Variants in GALNTL6 observed in about 807,000 individuals in gnomAD.
GALNTL6 encodes polypeptide N-acetylgalactosaminyltransferase like 6.
GALNTL6 carries 46 observed loss-of-function variants against 73.7 expected under a neutral mutation model. The ratio of observed to expected loss-of-function variants is 0.62; its 90% CI spans 0.49 to 0.80. The LOEUF is 0.80. Among genes scored for constraint, GALNTL6 ranks in the 30% least tolerant of loss-of-function variants. The pLI is 0.00. For missense variants in GALNTL6, 604 were observed against 755.0 expected, an observed-to-expected ratio of 0.80 and a Z score of 2.34; for synonymous variants, 259 against 263.7, an observed-to-expected ratio of 0.98 and a Z score of 0.17.
chr4:172,391,207 G>A (rs1743654334), intron 5 of GALNTL6, among the ~76,000 whole-genome samples: 2 of 152,184 alleles, frequency 1.3e-5, no homozygotes, highest in Admixed American at 1.3e-4. Context: ...GCTCTCTGGT[G>A]AGGGTCTGGT....
At chr4:172,539,902 TATATAA>T (rs548587080) in intron 5 of GALNTL6, among the ~76,000 whole-genome samples, 1,663 of 126,610 alleles carry the variant, frequency 0.013, 13 homozygotes, top group African/African-American at 0.025. Flanking sequence ...TATATATATA[TATATAA>T]AAAATCTCAT....
At chr4:172,235,146 AG>A (rs1288990475) in intron 3 of GALNTL6, among the ~76,000 whole-genome samples, 11 of 70,426 alleles carry the variant, frequency 1.6e-4, no homozygotes, top group African/African-American at 5.9e-4. Context: ...TACTTTTTTC[AG>A]ATATTGTTAG....
intron 4 of GALNTL6, among the ~76,000 whole-genome samples, chr4:172,313,112 T>TCCCCCCCCC (rs143094304): frequency 2.3e-5 from 3 of 132,028 alleles, no homozygotes; most frequent in Non-Finnish European, 3.2e-5. Context: ...TCTATCCAGT[T>TCCCCCCCCC]CCCCCCCCCA....
At chr4:171,864,177 G>C (rs1735910760) in intron 2 of GALNTL6, among the ~76,000 whole-genome samples, 1 of 152,096 alleles carries the variant, frequency 6.6e-6, no homozygotes, top group South Asian at 2.1e-4. Context: ...TCTCACTCTT[G>C]TAATCCTACT....
intron 2 of GALNTL6, among the ~76,000 whole-genome samples, chr4:171,827,417 A>G (rs912795936): frequency 3.9e-5 from 6 of 152,158 alleles, no homozygotes; most frequent in Non-Finnish European, 7.3e-5. Context: ...TAAAGTTCCA[A>G]CAACTTTAAG....
At chr4:172,728,594 G>GT (rs1735969132) in intron 5 of GALNTL6, among the ~76,000 whole-genome samples, 1 of 152,102 alleles carries the variant, frequency 6.6e-6, no homozygotes, top group African/African-American at 2.4e-5. Flanking sequence ...GGGCACTTAG[G>GT]TTGATTCCAT....
chr4:172,434,901 C>A (rs1307687930), intron 5 of GALNTL6, among the ~76,000 whole-genome samples: 2 of 151,988 alleles, frequency 1.3e-5, no homozygotes, highest in Non-Finnish European at 2.9e-5. Flanking sequence ...ATTTTTTCTT[C>A]CAAGCTCTTT....
At chr4:172,626,175 G>A (rs893035239) in intron 5 of GALNTL6, among the ~76,000 whole-genome samples, 1 of 151,830 alleles carries the variant, frequency 6.6e-6, no homozygotes, top group East Asian at 1.9e-4. Context: ...ATCTTTAATC[G>A]ATCTTGAGTT....
chr4:171,965,175 C>T (rs1451708220), intron 2 of GALNTL6, among the ~76,000 whole-genome samples: 4 of 152,106 alleles, frequency 2.6e-5, no homozygotes, highest in Admixed American at 2.6e-4. Context: ...ATAGTTTTCC[C>T]ATAAATATTT....
Position 171,814,541 on chromosome 4 carries a change from A to T in GALNTL6, c.-40A>T, listed in dbSNP as rs919921793. 6.2e-7 allele frequency: 1 copy of T among 1,609,036 alleles called. No individual in the cohort carries two copies. The highest frequency in any genetic ancestry group is 8.5e-7 in the Non-Finnish European group (1 of 1,176,706). On this transcript the variant is annotated 5_prime_UTR_variant, in exon 2 of 13. Transcript: ENST00000506823. ...CATTAAACACAAGAAGCAGTCAGGG[A>T]GCCATCTCCTTTAACTTTTCTTCTC... is the stretch of plus-strand genomic sequence containing the variant.
chr4:172,601,843 AT>A lies in GALNTL6; in HGVS notation c.554-207515del, dbSNP rs1378603174. 5.4e-5 allele frequency among the ~76,000 whole-genome samples: 8 copies of A among 148,964 alleles called. No homozygotes were observed. The East Asian group carries it at 1.5e-3, about 29-fold the overall frequency. ...AGAAATAGTGGCTGAAATTTACCAA[AT>A]TTAATGAAAACCTGTTAAAGCAAAA... On this transcript the variant is annotated intron_variant, in intron 5 of 12. Coordinates refer to ENST00000506823, the MANE Select transcript of GALNTL6 (RefSeq NM_001034845.3).
intron 5 of GALNTL6, among the ~76,000 whole-genome samples, chr4:172,694,946 T>C (rs17058762): frequency 0.045 from 6,926 of 152,320 alleles, 313 homozygotes; most frequent in African/African-American, 0.11. Flanking sequence ...GGAAATACTA[T>C]GATATAGTGG....
intron 10 of GALNTL6, among the ~76,000 whole-genome samples, chr4:172,953,431 A>G (rs887517836): frequency 9.2e-5 from 14 of 152,162 alleles, no homozygotes; most frequent in African/African-American, 3.1e-4. Flanking sequence ...TCAAGAGTTG[A>G]TTGTCTCGCA....
intron 3 of GALNTL6, among the ~76,000 whole-genome samples, chr4:172,248,572 C>T (rs1737740300): frequency 6.6e-6 from 1 of 152,064 alleles, no homozygotes; most frequent in Non-Finnish European, 1.5e-5. Flanking sequence ...TTAGTCAATC[C>T]CATTTGGTTC....
chr4:172,007,129 G>A (rs1740867485), intron 2 of GALNTL6, among the ~76,000 whole-genome samples: 1 of 151,878 alleles, frequency 6.6e-6, no homozygotes, highest in African/African-American at 2.4e-5. Context: ...GTCACATTTT[G>A]TGTCTGTCAG....
intron 5 of GALNTL6, among the ~76,000 whole-genome samples, chr4:172,720,609 T>C (rs1735413727): frequency 6.6e-6 from 1 of 152,210 alleles, no homozygotes; most frequent in South Asian, 2.1e-4. Context: ...CAGAATAACA[T>C]TGCAAATGAA....
intron 5 of GALNTL6, among the ~76,000 whole-genome samples, chr4:172,447,510 A>C (rs533424808): frequency 1.6e-4 from 24 of 152,342 alleles, no homozygotes; most frequent in African/African-American, 5.5e-4. Context: ...TAGAAGCTTC[A>C]TGTAGGTATA....
At chr4:171,905,950 A>G (rs1336789344) in intron 2 of GALNTL6, among the ~76,000 whole-genome samples, 1 of 150,996 alleles carries the variant, frequency 6.6e-6, no homozygotes, top group Admixed American at 6.6e-5. Context: ...ACCAACGAGA[A>G]CAAAGACACA....
intron 2 of GALNTL6, among the ~76,000 whole-genome samples, chr4:172,177,774 C>A (rs1301284961): frequency 2.0e-5 from 2 of 99,240 alleles, no homozygotes; most frequent in Non-Finnish European, 4.0e-5. Context: ...TATATGTACA[C>A]ATATATACAC....
Sources: gnomAD v4.1 joint callset for allele counts (sites outside exome capture counted in the v4.1 genomes callset) on GRCh38, gnomAD v4.1.1 for gene constraint, MANE v1.5 for transcripts, NCBI Gene and HGNC (gene_info 2026-07-23, HGNC 2026-07-21) for gene names.